Variants in FNDC3B observed in about 807,000 individuals in gnomAD.
FNDC3B encodes fibronectin type III domain containing 3B, also known as fibronectin type III domain-containing protein 3B.
FNDC3B carries 12 observed loss-of-function variants against 151.5 expected under a neutral mutation model. The ratio of observed to expected loss-of-function variants is 0.08; its 90% CI spans 0.05 to 0.13. FNDC3B has a LOEUF of 0.13. FNDC3B is among the 10% of genes least tolerant of loss of function. The pLI is 1.00. For missense variants in FNDC3B, 1,214 were observed against 1,505.3 expected, an observed-to-expected ratio of 0.81 and a Z score of 3.20; for synonymous variants, 528 against 549.0, an observed-to-expected ratio of 0.96 and a Z score of 0.54.
chr3:172,162,072 A>T (rs1329420830), intron 3 of FNDC3B, among the ~76,000 whole-genome samples: 1 of 151,480 alleles, frequency 6.6e-6, no homozygotes, highest in Non-Finnish European at 1.5e-5. Context: ...CGCCTCCCAG[A>T]TTCAAGCGAT....
intron 1 of FNDC3B, among the ~76,000 whole-genome samples, chr3:172,098,623 A>T (rs1340498567): frequency 6.6e-6 from 1 of 152,234 alleles, no homozygotes; most frequent in East Asian, 1.9e-4. Context: ...AGAATATTTG[A>T]GAAAAACAAT....
At chr3:172,150,400 A>G (rs989161127) in intron 3 of FNDC3B, among the ~76,000 whole-genome samples, 1 of 152,076 alleles carries the variant, frequency 6.6e-6, no homozygotes, top group Non-Finnish European at 1.5e-5. Context: ...TTTTAGGTGT[A>G]CTGCCTCAGC....
chr3:172,277,712 G>A (rs1729503084), intron 6 of FNDC3B, among the ~76,000 whole-genome samples: 1 of 152,170 alleles, frequency 6.6e-6, no homozygotes, highest in African/African-American at 2.4e-5. Context: ...AAAAGTGGGA[G>A]TGTCTGCCTT....
chr3:172,119,946 T>C (rs992811988), intron 2 of FNDC3B, among the ~76,000 whole-genome samples: 2 of 152,174 alleles, frequency 1.3e-5, no homozygotes, highest in Non-Finnish European at 2.9e-5. Flanking sequence ...AAAGGTGTGA[T>C]TTTATCCAGA....
intron 3 of FNDC3B, among the ~76,000 whole-genome samples, chr3:172,199,316 A>T (rs1725011803): frequency 1.3e-5 from 2 of 151,520 alleles, no homozygotes; most frequent in Admixed American, 1.3e-4. Context: ...AGTAGCTGGG[A>T]CTACAGGCGC....
At chr3:172,058,886 A>G (rs1258544545) in intron 1 of FNDC3B, among the ~76,000 whole-genome samples, 1 of 152,224 alleles carries the variant, frequency 6.6e-6, no homozygotes, top group Non-Finnish European at 1.5e-5. Flanking sequence ...GATATATTGG[A>G]AAAACAAGGA....
intron 3 of FNDC3B, among the ~76,000 whole-genome samples, chr3:172,208,928 T>C (rs924831032): frequency 1.3e-5 from 2 of 152,088 alleles, no homozygotes; most frequent in African/African-American, 4.8e-5. Flanking sequence ...GGACCAGACA[T>C]ACCACAAGCT....
In FNDC3B at chr3:172,040,772, C is replaced by CT. The variant is rs1448689779; in HGVS notation, c.-29+1002dup. Reference sequence around the variant, plus strand: ...GCAGGCGTGGGAAGGGCCTGTCACTCTCGGCAGAAAGTGGGGCCTCGGGCT... The same window carrying CT: ...GCAGGCGTGGGAAGGGCCTGTCACTCTTCGGCAGAAAGTGGGGCCTCGGGCT... On this transcript the variant is annotated intron_variant, in intron 1 of 25. Coordinates refer to ENST00000415807, the MANE Select transcript of FNDC3B (RefSeq NM_022763.4). The surrounding 1 kb of genome is among the most constrained non-coding windows in gnomAD (Gnocchi z 6.6). 2 of 152,172 alleles carry CT rather than the reference C, an allele frequency of 1.3e-5. No individual in the cohort carries two copies. Among genetic ancestry groups the CT allele is most frequent in the Non-Finnish European group, 2.9e-5 (2 of 68,046 alleles). 9.4% of individuals were successfully genotyped at this position (152,172 alleles called of 1,614,324 possible). A position where few individuals can be genotyped will look rare whatever the true frequency, so the allele number is the denominator to read the frequency against.
intron 3 of FNDC3B, among the ~76,000 whole-genome samples, chr3:172,160,005 G>C (rs1015956104): frequency 3.9e-5 from 6 of 152,180 alleles, no homozygotes; most frequent in African/African-American, 1.2e-4. Flanking sequence ...ATTGTCCTGG[G>C]TCACTGGGAA....
At chr3:172,172,089 C>G (rs964819383) in intron 3 of FNDC3B, among the ~76,000 whole-genome samples, 1 of 152,194 alleles carries the variant, frequency 6.6e-6, no homozygotes, top group Non-Finnish European at 1.5e-5. Flanking sequence ...CAAACATATG[C>G]TCTGCTATCA....
intron 21 of FNDC3B, among the ~76,000 whole-genome samples, chr3:172,351,744 G>A (rs994562466): frequency 3.9e-5 from 6 of 152,166 alleles, no homozygotes; most frequent in African/African-American, 9.7e-5. Context: ...GGCCTGGAGA[G>A]GGGTATGAGA....
chr3:172,117,908 A>G (rs1236197592), intron 2 of FNDC3B, among the ~76,000 whole-genome samples: 2 of 152,108 alleles, frequency 1.3e-5, no homozygotes, highest in African/African-American at 4.8e-5. Context: ...TATACAGAAA[A>G]CTCGCTTCTC....
At chr3:172,318,651 A>T (rs775606298) in intron 11 of FNDC3B, among the ~76,000 whole-genome samples, 4 of 152,162 alleles carry the variant, frequency 2.6e-5, no homozygotes, top group Admixed American at 6.5e-5. Context: ...CAGCTCTCTA[A>T]GGTGCCACAC....
chr3:172,290,749 C>T (rs1021036269), intron 7 of FNDC3B, among the ~76,000 whole-genome samples: 7 of 152,196 alleles, frequency 4.6e-5, no homozygotes, highest in South Asian at 2.1e-4. Flanking sequence ...CTTAGCACTT[C>T]AGGAATCATA....
chr3:172,171,618 TGGAAA>T (rs1723288375), intron 3 of FNDC3B, among the ~76,000 whole-genome samples: 1 of 126,630 alleles, frequency 7.9e-6, no homozygotes. Flanking sequence ...TTTTTTTTTT[TGGAAA>T]GTGCAGAGGC....
At chr3:172,364,170 C>T (rs1169415033) in intron 23 of FNDC3B, among the ~76,000 whole-genome samples, 1 of 152,136 alleles carries the variant, frequency 6.6e-6, no homozygotes, top group Non-Finnish European at 1.5e-5. Context: ...CTATATGTGC[C>T]TTCGGATGTG....
intron 3 of FNDC3B, among the ~76,000 whole-genome samples, chr3:172,204,347 C>T (rs1401591418): frequency 6.6e-6 from 1 of 152,120 alleles, no homozygotes; most frequent in African/African-American, 2.4e-5. Context: ...TTTATTCTGA[C>T]CATTTGTGGC....
intron 3 of FNDC3B, among the ~76,000 whole-genome samples, chr3:172,211,176 A>G (rs1195233865): frequency 2.0e-5 from 3 of 152,262 alleles, no homozygotes; most frequent in Admixed American, 1.3e-4. Context: ...ACATAAATGT[A>G]AAAACGTAGG....
chr3:172,322,589 A>G (rs1421766204), intron 11 of FNDC3B, among the ~76,000 whole-genome samples: 1 of 152,216 alleles, frequency 6.6e-6, no homozygotes, highest in African/African-American at 2.4e-5. Flanking sequence ...CCATTAACAA[A>G]TATTTTTTTC....
Sources: allele counts gnomAD v4.1 joint callset (sites outside exome capture counted in the v4.1 genomes callset), GRCh38; gene constraint gnomAD v4.1.1; non-coding constraint Gnocchi (gnomAD v3.1); transcripts MANE v1.5; gene names NCBI Gene and HGNC (gene_info 2026-07-23, HGNC 2026-07-21).